ALCAM: variants seen among roughly 807,000 people sequenced by gnomAD.
ALCAM encodes CD166 antigen.
Under a neutral mutation model 70.9 loss-of-function variants are expected in ALCAM, and 30 were observed. The observed-to-expected ratio is 0.42, with a 90% confidence interval of 0.32 to 0.57. The LOEUF (loss-of-function observed/expected upper bound fraction) is 0.57, where lower values mean the gene tolerates loss of function less well. Among genes scored for constraint, ALCAM ranks in the 20% least tolerant of loss-of-function variants. ALCAM has a pLI of 0.11. For synonymous variants in ALCAM, 249 were observed against 242.5 expected, an observed-to-expected ratio of 1.03 and a Z score of -0.25; for missense variants, 591 against 695.1, an observed-to-expected ratio of 0.85 and a Z score of 1.68.
In ALCAM at chr3:105,410,220, G is replaced by A. The variant is rs181838236; in HGVS notation, c.73+42739G>A. Among the ~76,000 whole-genome samples, 399 of 152,090 alleles carry A rather than the reference G, an allele frequency of 2.6e-3. 1 individual carries two copies. Among genetic ancestry groups the A allele is most frequent in the East Asian group, 0.016 (83 of 5,150 alleles). On this transcript the variant is annotated intron_variant, in intron 1 of 15. Coordinates refer to ENST00000306107, the MANE Select transcript of ALCAM (RefSeq NM_001627.4). Reference sequence around the variant, plus strand: ...ACCTGACTACCCATACTATTTGTAGGTTGTCTCCAAGATTGCCAATATGGG... The same window carrying A: ...ACCTGACTACCCATACTATTTGTAGATTGTCTCCAAGATTGCCAATATGGG...
In ALCAM at chr3:105,492,788, G is replaced by A. The variant is rs1938624429; in HGVS notation, c.74-27279G>A. ...TGAACATGTACATTCATTCAGAACT[G>A]TAGAAACAAAAAAGGGGAAAGAAAA... On this transcript the variant is annotated intron_variant, in intron 1 of 15. Coordinates refer to ENST00000306107, the MANE Select transcript of ALCAM (RefSeq NM_001627.4). 2.0e-5 allele frequency among the ~76,000 whole-genome samples: 3 copies of A among 152,062 alleles called. No homozygotes were observed. In the East Asian group the frequency reaches 5.8e-4, roughly 29 times the overall value.
Position 105,375,988 on chromosome 3 carries a change from T to G in ALCAM, c.73+8507T>G, listed in dbSNP as rs531661467. Among the ~76,000 whole-genome samples, 6 of 152,198 alleles carry G rather than the reference T, an allele frequency of 3.9e-5. No homozygotes were observed. The South Asian group carries it at 1.2e-3, about 32-fold the overall frequency. ...CAAAACATACGGCCTTTTGAGAGGC[T>G]CAAGCAGTGTTGAATAAGAATACTT... On this transcript the variant is annotated intron_variant, in intron 1 of 15. Transcript: ENST00000306107.
At chr3:105,546,376 G>A (rs1198635349) in intron 9 of ALCAM, among the ~76,000 whole-genome samples, 1 of 151,174 alleles carries the variant, frequency 6.6e-6, no homozygotes, top group South Asian at 2.1e-4. Context: ...TTTAACACTC[G>A]ATCCTCTGCT....
At chr3:105,514,816 C>T (rs1939336135) in intron 1 of ALCAM, among the ~76,000 whole-genome samples, 1 of 151,830 alleles carries the variant, frequency 6.6e-6, no homozygotes, top group Admixed American at 6.6e-5. Flanking sequence ...TAATGTATAA[C>T]ACTTGAGAAA....
At chr3:105,410,271 A>G (rs1936353404) in intron 1 of ALCAM, among the ~76,000 whole-genome samples, 1 of 152,072 alleles carries the variant, frequency 6.6e-6, no homozygotes, top group South Asian at 2.1e-4. Flanking sequence ...ACAATGGGAA[A>G]GGCAGGTTGG....
intron 1 of ALCAM, among the ~76,000 whole-genome samples, chr3:105,391,620 C>T (rs1350072230): frequency 6.6e-6 from 1 of 151,922 alleles, no homozygotes; most frequent in Non-Finnish European, 1.5e-5. Context: ...ACTTCCAGTA[C>T]TATGTTGAAT....
intron 1 of ALCAM, among the ~76,000 whole-genome samples, chr3:105,491,247 A>AT (rs1181489772): frequency 6.6e-6 from 1 of 152,174 alleles, no homozygotes; most frequent in Non-Finnish European, 1.5e-5. Flanking sequence ...ACAAAACAGC[A>AT]AGACCCTGGG....
At chr3:105,500,184 A>C (rs774227343) in intron 1 of ALCAM, among the ~76,000 whole-genome samples, 1 of 149,224 alleles carries the variant, frequency 6.7e-6, no homozygotes. Flanking sequence ...ATTTCACAAT[A>C]CAAAAACTCA....
chr3:105,378,659 T>G (rs1232068572), intron 1 of ALCAM, among the ~76,000 whole-genome samples: 3 of 151,660 alleles, frequency 2.0e-5, no homozygotes, highest in Non-Finnish European at 4.4e-5. Flanking sequence ...AAATGCTTGT[T>G]TAGTATAAGA....
rs780488374 is a variant in ALCAM at position 105,524,400 on chromosome 3, T to C, written c.286T>C (p.Tyr96His). 2.5e-6 allele frequency: 4 copies of C among 1,614,162 alleles called. No homozygotes were observed. In the Admixed American group the frequency reaches 6.7e-5, roughly 27 times the overall value. ...AGACAGATTGAACCTCTCAGAAAAC[T>C]ACACTTTGTCTATCAGTAATGCAAG... ...YKDRLNLSEN[Y>H]TLSISNARIS... Residue 96 changes from tyrosine to histidine, a missense_variant, in exon 3 of 16, where the codon TAC (tyrosine) becomes CAC (histidine). Around this residue, in one of 2 missense-constraint regions of ALCAM, gnomAD observed 427 missense variants for 450.4 expected, o/e 0.95. Transcript: ENST00000306107.
At chr3:105,467,410 C>T (rs141655150) in intron 1 of ALCAM, among the ~76,000 whole-genome samples, 39 of 151,130 alleles carry the variant, frequency 2.6e-4, no homozygotes, top group African/African-American at 8.0e-4. Context: ...AATGTCTCTG[C>T]GTGGATTGCT....
chr3:105,396,121 G>A (rs1196827800), intron 1 of ALCAM, among the ~76,000 whole-genome samples: 1 of 151,876 alleles, frequency 6.6e-6, no homozygotes, highest in Non-Finnish European at 1.5e-5. Context: ...AGCATTTTTT[G>A]CTTAATTAAA....
In ALCAM at chr3:105,531,982, C is replaced by A. The variant is rs1939850009; in HGVS notation, c.395-20C>A. Reference sequence around the variant, plus strand: ...TTTTTCTTACATATGTACTTAAAATCTTTCTCTGCTTAACTTTAGAGCAAC... The same window carrying A: ...TTTTTCTTACATATGTACTTAAAATATTTCTCTGCTTAACTTTAGAGCAAC... On this transcript the variant is annotated intron_variant, in intron 3 of 15. Transcript: ENST00000306107. 6.2e-7 allele frequency: 1 copy of A among 1,609,070 alleles called. No homozygotes were observed. Among genetic ancestry groups the A allele is most frequent in the South Asian group, 1.1e-5 (1 of 90,908 alleles).
chr3:105,470,495 T>C (rs1207565467), intron 1 of ALCAM, among the ~76,000 whole-genome samples: 1 of 151,226 alleles, frequency 6.6e-6, no homozygotes, highest in Admixed American at 6.6e-5. Flanking sequence ...TAAATTATAA[T>C]TAAAATAATT....
intron 14 of ALCAM, 185 bp downstream of exon 14, chr3:105,552,770 G>A: frequency 1.4e-6 from 2 of 1,410,254 alleles, no homozygotes; most frequent in Non-Finnish European, 1.9e-6. Context: ...TCAGGGACAT[G>A]GCTTGGGATA....
rs559243890 is a variant in ALCAM at position 105,429,700 on chromosome 3, T to A, written c.73+62219T>A. Among the ~76,000 whole-genome samples the A allele has an allele frequency of 2.6e-5, 4 of 152,098 alleles. No homozygotes were observed. The East Asian group carries it at 7.7e-4, about 29-fold the overall frequency. On this transcript the variant is annotated intron_variant, in intron 1 of 15. Coordinates refer to ENST00000306107, the MANE Select transcript of ALCAM (RefSeq NM_001627.4). ...ATGAACACCAATTGATTATGTAACT[T>A]GCATTTTATTTTCAAAATTACATTA...
In ALCAM at chr3:105,383,847, A is replaced by T. The variant is rs1039702141; in HGVS notation, c.73+16366A>T. Among the ~76,000 whole-genome samples, 7 of 151,818 alleles carry T rather than the reference A, an allele frequency of 4.6e-5. No homozygotes were observed. In the East Asian group the frequency reaches 1.4e-3, roughly 29 times the overall value. ...CTAAAACTACTTTTTCTCCCACAGG[A>T]TAATTGTAGACATACATTCAAAATA... On this transcript the variant is annotated intron_variant, in intron 1 of 15. Transcript: ENST00000306107.
chr3:105,411,579 A>T (rs1273367428), intron 1 of ALCAM, among the ~76,000 whole-genome samples: 1 of 152,102 alleles, frequency 6.6e-6, no homozygotes, highest in Non-Finnish European at 1.5e-5. Context: ...TTTAATTTTC[A>T]TAACGCTCTT....
At chr3:105,451,582 CTT>C (rs770065524) in intron 1 of ALCAM, among the ~76,000 whole-genome samples, 5 of 151,958 alleles carry the variant, frequency 3.3e-5, no homozygotes, top group Non-Finnish European at 4.4e-5. Flanking sequence ...ACAAAACAGA[CTT>C]TGAGGGAAAA....
Sources: gnomAD v4.1 joint callset for allele counts (sites outside exome capture counted in the v4.1 genomes callset) on GRCh38, gnomAD v4.1.1 for gene constraint, gnomAD v4.1.1 regional missense constraint, MANE v1.5 for transcripts, NCBI Gene and HGNC (gene_info 2026-07-23, HGNC 2026-07-21) for gene names.